MDM4: variants seen among roughly 807,000 people sequenced by gnomAD.
The protein encoded by MDM4 is protein Mdm4.
Under a neutral mutation model 60.2 loss-of-function variants are expected in MDM4, and 2 were observed. The observed-to-expected ratio is 0.03, with a 90% CI of 0.01 to 0.10. The LOEUF is 0.10. Ranked by LOEUF, MDM4 falls within the 10% of genes least tolerant of loss-of-function variation. The pLI, the probability that MDM4 is intolerant of heterozygous loss-of-function variation, is 1.00. For missense variants in MDM4, 447 were observed against 577.5 expected (o/e 0.77, Z 2.32); for synonymous variants, 202 against 198.1 (o/e 1.02, Z -0.17).
At chr1:204,546,905 G>A in intron 10 of MDM4, 28 bp downstream of exon 10, 1 of 1,398,158 alleles carries the variant, frequency 7.2e-7, no homozygotes, top group South Asian at 1.2e-5. Flanking sequence ...GAACTATTTT[G>A]CACCAGCCCC....
intron 9 of MDM4, among the ~76,000 whole-genome samples, chr1:204,545,416 A>C (rs1041352690): frequency 2.0e-5 from 3 of 152,238 alleles, no homozygotes; most frequent in African/African-American, 7.2e-5. Context: ...CATACAGGCA[A>C]CTTGCTCAAG....
At position 204,554,135 on chromosome 1, in the gene MDM4, C is replaced by T; in HGVS notation, c.*4453C>T. 1 of 228,568 alleles carries T rather than the reference C, an allele frequency of 4.4e-6. No individual in the cohort carries two copies. Among genetic ancestry groups the T allele is most frequent in the Non-Finnish European group, 8.7e-6 (1 of 115,268 alleles). The allele number at this position is 228,568 out of a possible 1,614,324, so 14.2% of individuals were successfully genotyped here. A position where few individuals can be genotyped will look rare whatever the true frequency, so the allele number is the denominator to read the frequency against. ...TGTCAATTCAATGCAATGTTGGCTG[C>T]CTTTTGAAGTCTTTGATATATTGGT... On this transcript the variant is annotated 3_prime_UTR_variant, in exon 11 of 11. Coordinates refer to ENST00000367182, the MANE Select transcript of MDM4 (RefSeq NM_002393.5).
At chr1:204,539,539 G>GTT (rs1027772704) in intron 7 of MDM4, among the ~76,000 whole-genome samples, 52 of 110,736 alleles carry the variant, frequency 4.7e-4, no homozygotes, top group Non-Finnish European at 6.2e-4. Context: ...GTTTTGTTTT[G>GTT]TTTTTTTTTT....
chr1:204,526,125 G>A (rs4252677), intron 2 of MDM4, among the ~76,000 whole-genome samples: 86,797 of 151,902 alleles, frequency 0.57, 27,456 homozygotes, highest in Non-Finnish European at 0.69. Context: ...ATATGGTGGC[G>A]TGCACCTGTA....
chr1:204,532,362 G>A, intron 5 of MDM4, 116 bp downstream of exon 5: 1 of 715,408 alleles, frequency 1.4e-6, no homozygotes, highest in Non-Finnish European at 2.5e-6. Flanking sequence ...GCATGACTGG[G>A]AGAAATACAT....
At position 204,525,476 on chromosome 1, in the gene MDM4, CTATTTAGTTT is replaced by C. The variant is rs1250410415; in HGVS notation, c.-35-5_-31del. 1 of 1,567,892 alleles carries C rather than the reference CTATTTAGTTT, an allele frequency of 6.4e-7. No homozygotes were observed. The highest frequency in any genetic ancestry group is 1.4e-5 in the African/African-American group (1 of 72,056). The stretch of plus-strand genomic sequence containing the variant: ...GAATAGATGTTATAAATTTTTTTTT[CTATTTAGTTT>C]TACCAACAGACTGCAGTTTCTTCAC... On this transcript the variant is annotated splice_acceptor_variant and splice_polypyrimidine_tract_variant and 5_prime_UTR_variant and intron_variant, in exon 2 of 11. Transcript: ENST00000367182. LOFTEE classifies it low-confidence loss of function (5UTR_SPLICE).
intron 1 of MDM4, among the ~76,000 whole-genome samples, chr1:204,520,440 A>T (rs1478373213): frequency 6.6e-6 from 1 of 151,760 alleles, no homozygotes; most frequent in African/African-American, 2.4e-5. Flanking sequence ...ATTTTGATGC[A>T]GTAAAATGTA....
chr1:204,551,459 C>CTGTTTTTTTTTTTTTTTT lies in MDM4; in HGVS notation c.*1778_*1779insGTTTTTTTTTTTTTTTTT, dbSNP rs1558341326. 6.6e-6 allele frequency: 1 copy of CTGTTTTTTTTTTTTTTTT among 151,176 alleles called. No individual in the cohort carries two copies. The allele number at this position is 151,176 out of a possible 1,614,324, so 9.4% of individuals were successfully genotyped here. On this transcript the variant is annotated 3_prime_UTR_variant, in exon 11 of 11. Coordinates refer to ENST00000367182, the MANE Select transcript of MDM4 (RefSeq NM_002393.5). ...ATATACTGGATGGTTGAGAGGCAGC[C>CTGTTTTTTTTTTTTTTTT]TCTTTTTTTTTTTTTTTTTTTTTTT...
chr1:204,523,746 ATAAAT>A (rs1415126299), intron 1 of MDM4, among the ~76,000 whole-genome samples: 1 of 152,084 alleles, frequency 6.6e-6, no homozygotes, highest in Admixed American at 6.6e-5. Flanking sequence ...TCACTCAAAC[ATAAAT>A]TTAATTTTCT....
intron 4 of MDM4, 118 bp from the exon 5 acceptor site, chr1:204,532,073 C>T: frequency 1.6e-6 from 1 of 625,802 alleles, no homozygotes; most frequent in Non-Finnish European, 2.8e-6. Context: ...CCTTTGTATG[C>T]CTTACAGAGA....
chr1:204,532,935 CT>C, intron 5 of MDM4: 1 of 1,124,416 alleles, frequency 8.9e-7, no homozygotes, highest in Non-Finnish European at 1.3e-6. Flanking sequence ...ATAGGTAATG[CT>C]TTGTACTTCT....
intron 1 of MDM4, among the ~76,000 whole-genome samples, chr1:204,519,750 G>A (rs1659365385): frequency 6.6e-6 from 1 of 152,012 alleles, no homozygotes; most frequent in African/African-American, 2.4e-5. Flanking sequence ...GGAGGTTGAG[G>A]TTGCAGTAAG....
intron 5 of MDM4, among the ~76,000 whole-genome samples, chr1:204,535,792 C>T (rs774208294): frequency 3.3e-5 from 5 of 149,418 alleles, no homozygotes; most frequent in Non-Finnish European, 6.0e-5. Flanking sequence ...CCACACACCT[C>T]GACCTCCCAA....
intron 1 of MDM4, among the ~76,000 whole-genome samples, chr1:204,518,853 A>C (rs1165171121): frequency 6.6e-6 from 1 of 152,136 alleles, no homozygotes; most frequent in African/African-American, 2.4e-5. Context: ...TTCAGTAGAG[A>C]GAGGTTTTCA....
At chr1:204,540,339 A>G (rs1339318471) in intron 7 of MDM4, among the ~76,000 whole-genome samples, 1 of 152,018 alleles carries the variant, frequency 6.6e-6, no homozygotes, top group Admixed American at 6.5e-5. Flanking sequence ...CTCATTATGT[A>G]TATGCAAATA....
At chr1:204,519,049 T>A (rs1242287395) in intron 1 of MDM4, among the ~76,000 whole-genome samples, 1 of 152,170 alleles carries the variant, frequency 6.6e-6, no homozygotes, top group Non-Finnish European at 1.5e-5. Context: ...AAACTCACAG[T>A]GCTCCAAATG....
At chr1:204,535,246 C>G (rs1395281053) in intron 5 of MDM4, among the ~76,000 whole-genome samples, 1 of 151,392 alleles carries the variant, frequency 6.6e-6, no homozygotes, top group East Asian at 1.9e-4. Context: ...CAGCCTCCAC[C>G]TCCCGGGTTC....
intron 4 of MDM4, 92 bp downstream of exon 4, chr1:204,530,909 C>A (rs1660790082): frequency 3.9e-6 from 6 of 1,521,610 alleles, no homozygotes; most frequent in South Asian, 1.2e-5. Context: ...CTTCACTCAA[C>A]AAATATGTAA....
At chr1:204,526,904 T>C (rs4252683) in intron 3 of MDM4, among the ~76,000 whole-genome samples, 91 of 152,336 alleles carry the variant, frequency 6.0e-4, no homozygotes, top group East Asian at 3.3e-3. Context: ...AGGTTGAACA[T>C]CATATTTCCT....
Sources: allele counts gnomAD v4.1 joint callset (sites outside exome capture counted in the v4.1 genomes callset), GRCh38; gene constraint gnomAD v4.1.1; transcripts MANE v1.5; gene names NCBI Gene and HGNC (gene_info 2026-07-23, HGNC 2026-07-21).